Variants in HIPK2 observed in about 807,000 individuals in gnomAD.
The protein encoded by HIPK2 is homeodomain-interacting protein kinase 2.
Under a neutral mutation model 113.7 loss-of-function variants are expected in HIPK2, and 27 were observed. The observed-to-expected ratio is 0.24, with a 90% CI of 0.17 to 0.33. HIPK2 has a LOEUF of 0.33. Ranked by LOEUF, HIPK2 falls within the 10% of genes least tolerant of loss-of-function variation. The probability of loss-of-function intolerance (pLI) is 1.00; values close to 1 mark genes in which losing one functional copy is unlikely to be tolerated. For missense variants in HIPK2, 1,257 were observed against 1,588.0 expected (o/e 0.79, Z 3.54); for synonymous variants, 631 against 642.2 (o/e 0.98, Z 0.26).
rs1796198080 is a variant in HIPK2 at position 139,746,813 on chromosome 7, G to T, written c.20-29798C>A. On this transcript the variant is annotated intron_variant, in intron 1 of 14. Transcript: ENST00000406875. The stretch of plus-strand genomic sequence containing the variant: ...TTCTAGGCTATCCCTTCACTGTTCA[G>T]AGTCCAGTCGGCCAAGGTGACGTGG... Among the ~76,000 whole-genome samples, 5 of 152,138 alleles carry T rather than the reference G, an allele frequency of 3.3e-5. No homozygotes were observed. The South Asian group carries it at 1.0e-3, about 32-fold the overall frequency.
chr7:139,690,083 G>A (rs1279255794), intron 2 of HIPK2, among the ~76,000 whole-genome samples: 3 of 140,022 alleles, frequency 2.1e-5, no homozygotes, highest in African/African-American at 7.7e-5. Context: ...GGAGTGCGGG[G>A]AGGGACAGCT....
At position 139,777,654 on chromosome 7, in the gene HIPK2, CG is replaced by C; in HGVS notation, c.-32del. 3 of 1,073,368 alleles carry C rather than the reference CG, an allele frequency of 2.8e-6. No individual in the cohort carries two copies. Among genetic ancestry groups the C allele is most frequent in the Admixed American group, 5.4e-5 (1 of 18,350 alleles). 66.5% of individuals were successfully genotyped at this position (1,073,368 alleles called of 1,614,324 possible). A position where few individuals can be genotyped will look rare whatever the true frequency, so the allele number is the denominator to read the frequency against. ...CCGGGGTGTCCGCGGTTCATGGCAA[CG>C]GGGACGGGAAAGCGGCGCGCGAGCT... is the stretch of plus-strand genomic sequence containing the variant. On this transcript the variant is annotated 5_prime_UTR_variant, in exon 1 of 15. An upstream open reading frame in the 5' UTR loses its in-frame stop. Coordinates refer to ENST00000406875, the MANE Select transcript of HIPK2 (RefSeq NM_022740.5).
rs1186445619 is a variant in HIPK2, at chr7:139,630,359, C to T, written c.1347+806G>A. Among the ~76,000 whole-genome samples the T allele has an allele frequency of 6.6e-6, 1 of 152,100 alleles. No homozygotes were observed. On this transcript the variant is annotated intron_variant, in intron 4 of 14. Coordinates refer to ENST00000406875, the MANE Select transcript of HIPK2 (RefSeq NM_022740.5). The surrounding 1 kb of genome is among the most constrained non-coding windows in gnomAD (Gnocchi z 4.0). ...TCTCCCTAACCCCCATCACCCCAGC[C>T]GCCACCCCACACTTCTATACTGGGC...
intron 2 of HIPK2, among the ~76,000 whole-genome samples, chr7:139,655,001 A>G (rs1173871478): frequency 6.6e-6 from 1 of 152,186 alleles, no homozygotes; most frequent in Non-Finnish European, 1.5e-5. Context: ...TCCCGATCCC[A>G]TGCAATTACA....
chr7:139,752,133 A>G (rs2117112333), intron 1 of HIPK2, among the ~76,000 whole-genome samples: 1 of 152,326 alleles, frequency 6.6e-6, no homozygotes, highest in South Asian at 2.1e-4. Context: ...CTTTTCTCTA[A>G]GAGACACCAG....
At chr7:139,743,092 G>C (rs1368841951) in intron 1 of HIPK2, among the ~76,000 whole-genome samples, 3 of 152,272 alleles carry the variant, frequency 2.0e-5, no homozygotes, top group Admixed American at 2.0e-4. Context: ...CTCTTCCCCA[G>C]GTGTGCAGGA....
Position 139,572,899 on chromosome 7 carries a change from C to CCCCA in HIPK2, c.*27_*28insTGGG. ...TCCTCCCTCGGGCCATTCTCTCCCT[C>CCCCA]CCTCCCTCCCTCCCTCCCCTCCAGT... is the stretch of plus-strand genomic sequence containing the variant. On this transcript the variant is annotated 3_prime_UTR_variant, in exon 15 of 15. Coordinates refer to ENST00000406875, the MANE Select transcript of HIPK2 (RefSeq NM_022740.5). 1 of 406,498 alleles carries CCCCA rather than the reference C, an allele frequency of 2.5e-6. No homozygotes were observed. Among genetic ancestry groups the CCCCA allele is most frequent in the Non-Finnish European group, 4.9e-6 (1 of 204,326 alleles). The allele number at this position is 406,498 out of a possible 1,614,324, so 25.2% of individuals were successfully genotyped here. A position where few individuals can be genotyped will look rare whatever the true frequency, so the allele number is the denominator to read the frequency against.
intron 2 of HIPK2, among the ~76,000 whole-genome samples, chr7:139,677,446 T>G (rs1802542321): frequency 6.6e-6 from 1 of 152,094 alleles, no homozygotes; most frequent in African/African-American, 2.4e-5. Context: ...TTCTGGTGGC[T>G]GGGAAGTTCA....
At chr7:139,699,591 G>C (rs1794652237) in intron 2 of HIPK2, among the ~76,000 whole-genome samples, 1 of 152,198 alleles carries the variant, frequency 6.6e-6, no homozygotes, top group African/African-American at 2.4e-5. Context: ...AGGAGGCAAG[G>C]CTGGGCCTGC....
At chr7:139,627,298 C>CTATGTATGTATG (rs34240424) in intron 5 of HIPK2, among the ~76,000 whole-genome samples, 2,859 of 148,530 alleles carry the variant, frequency 0.019, 38 homozygotes, top group Non-Finnish European at 0.023. Context: ...ACAAAAAAGT[C>CTATGTATGTATG]TATGTATGTA....
Position 139,600,536 on chromosome 7 carries a change from G to T in HIPK2, c.2316C>A (p.Thr772=), listed in dbSNP as rs34816493. 1.9e-6 allele frequency: 3 copies of T among 1,613,896 alleles called. No individual in the cohort carries two copies. Among genetic ancestry groups the T allele is most frequent in the African/African-American group, 2.7e-5 (2 of 74,928 alleles). The part of the protein sequence containing the change: ...NPIMQQPALL[T]GHVTLPAAQP... ...GTGCTGCTGGAAGGGTCACATGACC[G>T]GTCAATAGTGCAGGCTGCTGCATGA... Residue 772 remains threonine (T), a synonymous_variant, in exon 11 of 15, where the codon ACC becomes ACA. Coordinates refer to ENST00000406875, the MANE Select transcript of HIPK2 (RefSeq NM_022740.5).
chr7:139,758,602 A>T (rs570802909), intron 1 of HIPK2, among the ~76,000 whole-genome samples: 154 of 152,284 alleles, frequency 1.0e-3, no homozygotes, highest in African/African-American at 3.5e-3. Context: ...CTCCTGTCAG[A>T]TCAGCAGTGG....
chr7:139,574,945 T>C (rs1798436496), intron 14 of HIPK2, 183 bp downstream of exon 14: 3 of 306,076 alleles, frequency 9.8e-6, no homozygotes, highest in Non-Finnish European at 1.4e-5. Context: ...GATATCAACT[T>C]CCCCAAGGGT....
At chr7:139,706,808 T>C (rs1442864237) in intron 2 of HIPK2, among the ~76,000 whole-genome samples, 1 of 152,254 alleles carries the variant, frequency 6.6e-6, no homozygotes, top group Non-Finnish European at 1.5e-5. Flanking sequence ...CATTTACAAA[T>C]GCCACACATG....
At chr7:139,713,815 A>G (rs1322968639) in intron 2 of HIPK2, among the ~76,000 whole-genome samples, 1 of 152,190 alleles carries the variant, frequency 6.6e-6, no homozygotes, top group Non-Finnish European at 1.5e-5. Flanking sequence ...CCAGCACAGC[A>G]CCAGCTAGCC....
intron 2 of HIPK2, among the ~76,000 whole-genome samples, chr7:139,688,256 G>A (rs528012159): frequency 2.0e-5 from 3 of 152,276 alleles, no homozygotes; most frequent in South Asian, 4.1e-4. Flanking sequence ...CTCATTCATC[G>A]AGATCAAGAG....
chr7:139,627,040 A>G (rs934020461), intron 5 of HIPK2, among the ~76,000 whole-genome samples: 1 of 152,144 alleles, frequency 6.6e-6, no homozygotes, highest in South Asian at 2.1e-4. Context: ...GGACCTGCAA[A>G]TATATCTGAA....
intron 9 of HIPK2, among the ~76,000 whole-genome samples, chr7:139,605,120 A>G (rs992981688): frequency 6.6e-6 from 1 of 152,336 alleles, no homozygotes; most frequent in Middle Eastern, 3.4e-3. Flanking sequence ...CTTAATTGAG[A>G]ATTACTTTGA....
At chr7:139,586,137 AGGAATGAATTGGTTGCATATATTTAT>A (rs1798825810) in intron 12 of HIPK2, among the ~76,000 whole-genome samples, 1 of 152,234 alleles carries the variant, frequency 6.6e-6, no homozygotes, top group Non-Finnish European at 1.5e-5. Flanking sequence ...GAAGAAGGTG[AGGAATGAATTGGTTGCATATATTTAT>A]GGCTCTTCAT....
Sources: gnomAD v4.1 joint callset for allele counts (sites outside exome capture counted in the v4.1 genomes callset) on GRCh38, gnomAD v4.1.1 for gene constraint, Gnocchi (gnomAD v3.1) non-coding constraint, MANE v1.5 for transcripts, NCBI Gene and HGNC (gene_info 2026-07-23, HGNC 2026-07-21) for gene names.